NDC80: variants seen among roughly 807,000 people sequenced by gnomAD.
NDC80 encodes the protein NDC80 kinetochore complex component.
A neutral mutation model predicts 89.3 loss-of-function variants in NDC80; 69 were observed. The observed-to-expected ratio is 0.77, with a 90% CI of 0.64 to 0.94. The LOEUF (loss-of-function observed/expected upper bound fraction) is 0.94. NDC80 is among the 40% of genes least tolerant of loss of function. The probability of loss-of-function intolerance (pLI) is 0.00; values close to 1 mark genes in which losing one functional copy is unlikely to be tolerated. For synonymous variants in NDC80, 243 were observed against 255.6 expected (o/e 0.95, Z 0.47); for missense variants, 593 against 739.6 (o/e 0.80, Z 2.30).
At chr18:2,588,554 A>G (rs1438620723) in intron 8 of NDC80, among the ~76,000 whole-genome samples, 1 of 152,200 alleles carries the variant, frequency 6.6e-6, no homozygotes, top group Admixed American at 6.5e-5. Context: ...TGGAAGGTAA[A>G]ATAGATAAAT....
intron 13 of NDC80, 118 bp from the exon 14 acceptor site, chr18:2,606,297 A>G: frequency 1.8e-6 from 1 of 544,910 alleles, no homozygotes; most frequent in Non-Finnish European, 3.1e-6. Flanking sequence ...AGAGTCCAAA[A>G]GGACTAGAAG....
At chr18:2,576,058 C>T (rs1260519896) in intron 3 of NDC80, among the ~76,000 whole-genome samples, 2 of 152,130 alleles carry the variant, frequency 1.3e-5, no homozygotes, top group African/African-American at 2.4e-5. Context: ...AGGTTAGCAC[C>T]ACTGCACTCC....
At chr18:2,583,776 T>A (rs2072590340) in intron 6 of NDC80, among the ~76,000 whole-genome samples, 1 of 151,534 alleles carries the variant, frequency 6.6e-6, no homozygotes, top group Non-Finnish European at 1.5e-5. Context: ...TTGTTAGAGC[T>A]CTTCTGCATC....
At chr18:2,575,922 C>G (rs1383434974) in intron 3 of NDC80, among the ~76,000 whole-genome samples, 1 of 152,074 alleles carries the variant, frequency 6.6e-6, no homozygotes, top group African/African-American at 2.4e-5. Flanking sequence ...GACTCTGTCT[C>G]AAAAAGAAAC....
intron 14 of NDC80, 52 bp downstream of exon 14, chr18:2,606,559 G>A (rs770003744): frequency 2.6e-6 from 3 of 1,152,506 alleles, no homozygotes; most frequent in Admixed American, 2.1e-5. Context: ...TGTCATGATT[G>A]CTTGATGAGT....
Position 2,593,819 on chromosome 18 carries a change from G to C in NDC80, c.1016-1597G>C, listed in dbSNP as rs569343370. ...ATTTGTTTTAAAACAGAATATTTCC[G>C]TCATTTATAATTTCTGTTTGGATGA... On this transcript the variant is annotated intron_variant, in intron 10 of 16. Coordinates refer to ENST00000261597, the MANE Select transcript of NDC80 (RefSeq NM_006101.3). 91 of 284,698 alleles carry C rather than the reference G, an allele frequency of 3.2e-4. 1 individual carries two copies. Among genetic ancestry groups the C allele is most frequent in the South Asian group, 1.5e-3 (39 of 25,998 alleles). The allele number at this position is 284,698 out of a possible 1,614,324, so 17.6% of individuals were successfully genotyped here.
At chr18:2,612,353 G>A (rs1186082024) in intron 16 of NDC80, among the ~76,000 whole-genome samples, 3 of 133,110 alleles carry the variant, frequency 2.3e-5, no homozygotes, top group African/African-American at 5.6e-5. Flanking sequence ...GCAATGGCGC[G>A]ATCTCGGCTC....
At chr18:2,584,774 A>G (rs1198728586) in intron 6 of NDC80, among the ~76,000 whole-genome samples, 1 of 152,220 alleles carries the variant, frequency 6.6e-6, no homozygotes, top group Non-Finnish European at 1.5e-5. Context: ...AAGTTGCATT[A>G]AAATGTGTAT....
chr18:2,580,682 G>A (rs573901087), intron 6 of NDC80, among the ~76,000 whole-genome samples: 27 of 146,340 alleles, frequency 1.8e-4, no homozygotes, highest in East Asian at 6.2e-4. Context: ...GTCTCTCCCC[G>A]GTGATGCCCA....
chr18:2,575,156 T>C, intron 3 of NDC80, 90 bp downstream of exon 3: 1 of 905,544 alleles, frequency 1.1e-6, no homozygotes, highest in Admixed American at 2.6e-5. Flanking sequence ...ATGACATGGT[T>C]CCTTTCGAGA....
intron 3 of NDC80, chr18:2,577,211 T>G (rs1433493812): frequency 2.3e-5 from 3 of 131,186 alleles, no homozygotes; most frequent in African/African-American, 8.6e-5. Flanking sequence ...TGATACTGTC[T>G]GCGCTTTTTT....
In NDC80 at chr18:2,590,171, A is replaced by T. The variant is rs1292259923; in HGVS notation, c.1015+9A>T. On this transcript the variant is annotated intron_variant, in intron 10 of 16. Coordinates refer to ENST00000261597, the MANE Select transcript of NDC80 (RefSeq NM_006101.3). The stretch of plus-strand genomic sequence containing the variant: ...GGAAATTGCTAGAGTAGGTAAGCAG[A>T]GCTAATGCTAAAAGACTGGGATGCG... 6.4e-7 allele frequency: 1 copy of T among 1,568,620 alleles called. No individual in the cohort carries two copies. Among genetic ancestry groups the T allele is most frequent in the African/African-American group, 1.4e-5 (1 of 72,848 alleles).
chr18:2,611,115 C>A (rs1179276844), intron 16 of NDC80, among the ~76,000 whole-genome samples: 1 of 139,034 alleles, frequency 7.2e-6, no homozygotes, highest in Non-Finnish European at 1.5e-5. Flanking sequence ...ATGGCATGGT[C>A]TCAACTCACT....
chr18:2,606,323 G>A (rs991287100), intron 13 of NDC80, 92 bp from the exon 14 acceptor site: 2 of 727,972 alleles, frequency 2.7e-6, no homozygotes. Context: ...ACATTGTTCA[G>A]TTAGTTGATT....
chr18:2,606,544 A>C, intron 14 of NDC80, 37 bp downstream of exon 14: 1 of 1,393,976 alleles, frequency 7.2e-7, no homozygotes, highest in East Asian at 2.4e-5. Context: ...GGTTATCAAA[A>C]GCTATGTCAT....
intron 13 of NDC80, among the ~76,000 whole-genome samples, chr18:2,605,890 G>A (rs147566260): frequency 3.8e-4 from 58 of 152,104 alleles, no homozygotes; most frequent in African/African-American, 1.4e-3. Context: ...TTCAGTTTTG[G>A]TTTCAACTGA....
At chr18:2,588,479 C>A (rs1233097757) in intron 8 of NDC80, among the ~76,000 whole-genome samples, 2 of 151,622 alleles carry the variant, frequency 1.3e-5, no homozygotes, top group Non-Finnish European at 2.9e-5. Context: ...CTAAAACATT[C>A]CAGAGGTATT....
chr18:2,597,139 A>C (rs1305815051), intron 11 of NDC80, among the ~76,000 whole-genome samples: 2 of 152,194 alleles, frequency 1.3e-5, no homozygotes, highest in Non-Finnish European at 2.9e-5. Flanking sequence ...ACTAATGTGC[A>C]CATTGTGCAC....
At chr18:2,584,189 G>A (rs977018735) in intron 6 of NDC80, among the ~76,000 whole-genome samples, 1 of 151,338 alleles carries the variant, frequency 6.6e-6, no homozygotes, top group Non-Finnish European at 1.5e-5. Context: ...TCCAGAGGGG[G>A]AGACAGGAGA....
Sources: gnomAD v4.1 joint callset for allele counts (sites outside exome capture counted in the v4.1 genomes callset) on GRCh38, gnomAD v4.1.1 for gene constraint, MANE v1.5 for transcripts, NCBI Gene and HGNC (gene_info 2026-07-23, HGNC 2026-07-21) for gene names.